The following CNTNAP2 variants were observed in gnomAD, a reference collection of about 807,000 sequenced individuals.
The protein encoded by CNTNAP2 is contactin associated protein 2.
A neutral mutation model predicts 155.2 loss-of-function variants in CNTNAP2; 98 were observed. The ratio of observed to expected loss-of-function variants is 0.63; its 90% confidence interval spans 0.54 to 0.75. The LOEUF is 0.75. Ranked by LOEUF, CNTNAP2 falls within the 30% of genes least tolerant of loss-of-function variation. The pLI is 0.00. For synonymous variants in CNTNAP2, 651 were observed against 631.2 expected (o/e 1.03, Z -0.47); for missense variants, 1,727 against 1,688.1 (o/e 1.02, Z -0.40).
At chr7:147,043,710 A>T (rs1223450595) in intron 3 of CNTNAP2, among the ~76,000 whole-genome samples, 197 bp from the exon 4 acceptor site, 2 of 152,234 alleles carry the variant, frequency 1.3e-5, no homozygotes, top group Admixed American at 6.5e-5. Context: ...CCCACAGAAA[A>T]TCTGACCTGT....
chr7:148,043,210 A>C (rs779987463), intron 15 of CNTNAP2, among the ~76,000 whole-genome samples: 1 of 152,226 alleles, frequency 6.6e-6, no homozygotes, highest in Non-Finnish European at 1.5e-5. Flanking sequence ...AGCCCTTGCA[A>C]AGCACATAAA....
chr7:146,193,341 G>C (rs1210911465), intron 1 of CNTNAP2, among the ~76,000 whole-genome samples: 1 of 152,200 alleles, frequency 6.6e-6, no homozygotes, highest in African/African-American at 2.4e-5. Flanking sequence ...TTTTCCATGA[G>C]GGCCCCTCCC....
chr7:148,096,309 G>C (rs1803970114), intron 15 of CNTNAP2, among the ~76,000 whole-genome samples: 1 of 151,154 alleles, frequency 6.6e-6, no homozygotes, highest in African/African-American at 2.4e-5. Flanking sequence ...GTGTGTGTGT[G>C]TGTGTGGTCA....
intron 14 of CNTNAP2, among the ~76,000 whole-genome samples, chr7:147,919,397 G>A (rs984062032): frequency 8.6e-5 from 13 of 150,520 alleles, no homozygotes; most frequent in South Asian, 4.2e-4. Context: ...ATCCTCCCAC[G>A]TCAGCCTCCT....
At chr7:146,252,240 C>T (rs532916251) in intron 1 of CNTNAP2, among the ~76,000 whole-genome samples, 6 of 152,286 alleles carry the variant, frequency 3.9e-5, no homozygotes, top group Non-Finnish European at 8.8e-5. Context: ...GATGCTTATT[C>T]CTCCCATAGA....
At chr7:146,161,899 C>T (rs1398442574) in intron 1 of CNTNAP2, among the ~76,000 whole-genome samples, 6 of 152,042 alleles carry the variant, frequency 3.9e-5, no homozygotes, top group African/African-American at 9.7e-5. Flanking sequence ...CTGACAAAAA[C>T]GAGAAATGGG....
chr7:147,864,919 TC>T, intron 13 of CNTNAP2, among the ~76,000 whole-genome samples: 1 of 152,274 alleles, frequency 6.6e-6, no homozygotes, highest in Admixed American at 6.5e-5. Context: ...GCCCTTTATT[TC>T]TTTCTCCTGC....
At chr7:147,762,187 A>ACACACACC (rs1797313786) in intron 13 of CNTNAP2, among the ~76,000 whole-genome samples, 3 of 149,952 alleles carry the variant, frequency 2.0e-5, no homozygotes, top group Non-Finnish European at 4.4e-5. Flanking sequence ...ACACACACAC[A>ACACACACC]CCATTCGGGT....
At chr7:146,321,868 G>T (rs1801007268) in intron 1 of CNTNAP2, among the ~76,000 whole-genome samples, 1 of 152,080 alleles carries the variant, frequency 6.6e-6, no homozygotes. Flanking sequence ...CTCTGTATGG[G>T]ATTAGTGGCT....
chr7:147,589,142 G>A (rs1800691133), intron 12 of CNTNAP2, among the ~76,000 whole-genome samples: 1 of 152,104 alleles, frequency 6.6e-6, no homozygotes, highest in African/African-American at 2.4e-5. Context: ...AGTATTGAAT[G>A]TTTCCTTAGA....
At chr7:147,085,480 A>G (rs1396400584) in intron 4 of CNTNAP2, among the ~76,000 whole-genome samples, 1 of 152,166 alleles carries the variant, frequency 6.6e-6, no homozygotes, top group Non-Finnish European at 1.5e-5. Context: ...CTAGTGCCTG[A>G]TGATCTGAAG....
At chr7:147,402,395 C>T (rs529424262) in intron 10 of CNTNAP2, among the ~76,000 whole-genome samples, 53 of 152,308 alleles carry the variant, frequency 3.5e-4, no homozygotes, top group Non-Finnish European at 1.5e-4. Flanking sequence ...GACAACTGCT[C>T]CTTCTGGCCT....
chr7:146,506,581 C>A (rs1797388553), intron 1 of CNTNAP2, among the ~76,000 whole-genome samples: 1 of 152,220 alleles, frequency 6.6e-6, no homozygotes, highest in African/African-American at 2.4e-5. Flanking sequence ...TAAATAGTTA[C>A]AACCTTTCGA....
chr7:146,342,794 A>C (rs1419424621), intron 1 of CNTNAP2, among the ~76,000 whole-genome samples: 1 of 152,156 alleles, frequency 6.6e-6, no homozygotes, highest in Admixed American at 6.6e-5. Flanking sequence ...CAACATTTCA[A>C]TTATTTTATG....
intron 1 of CNTNAP2, among the ~76,000 whole-genome samples, chr7:146,161,275 C>A (rs116908290): frequency 6.6e-6 from 1 of 152,256 alleles, no homozygotes; most frequent in Non-Finnish European, 1.5e-5. Flanking sequence ...GAAGCATTCC[C>A]TTTGAAAACT....
chr7:146,505,249 C>A (rs60089023), intron 1 of CNTNAP2, among the ~76,000 whole-genome samples: 1,772 of 152,316 alleles, frequency 0.012, 31 homozygotes, highest in Middle Eastern at 0.065. Flanking sequence ...AACGGTTGGA[C>A]ACATTGGTCA....
At chr7:148,364,448 C>G (rs574972437) in intron 21 of CNTNAP2, among the ~76,000 whole-genome samples, 2 of 152,084 alleles carry the variant, frequency 1.3e-5, no homozygotes, top group Non-Finnish European at 2.9e-5. Context: ...CTGGTGAGGA[C>G]GTGGAGAACT....
intron 8 of CNTNAP2, among the ~76,000 whole-genome samples, chr7:147,298,043 T>G (rs1794871321): frequency 6.6e-6 from 1 of 152,212 alleles, no homozygotes; most frequent in Non-Finnish European, 1.5e-5. Context: ...TATACATATA[T>G]TCACTTGTAT....
intron 13 of CNTNAP2, among the ~76,000 whole-genome samples, chr7:147,716,358 CCA>C (rs1205201656): frequency 6.6e-6 from 1 of 152,000 alleles, no homozygotes; most frequent in African/African-American, 2.4e-5. Flanking sequence ...GGTTGCCAGT[CCA>C]CAGTGAAATG....
Sources: gnomAD v4.1 joint callset for allele counts (sites outside exome capture counted in the v4.1 genomes callset) on GRCh38, gnomAD v4.1.1 for gene constraint, MANE v1.5 for transcripts, NCBI Gene and HGNC (gene_info 2026-07-23, HGNC 2026-07-21) for gene names.